MAL: variants seen among roughly 807,000 people sequenced by gnomAD.
The protein encoded by MAL is mal, T cell differentiation protein (MAL blood group), also known as myelin and lymphocyte protein.
In MAL, 5 loss-of-function variants were observed where a neutral mutation model predicts 16.7. That is an observed-to-expected ratio of 0.30 (90% CI 0.16 to 0.63). MAL has a LOEUF of 0.63. MAL is among the 30% of genes least tolerant of loss of function. MAL has a pLI of 0.82. For synonymous variants in MAL, 96 were observed against 85.5 expected (o/e 1.12, Z -0.67); for missense variants, 202 against 195.8 (o/e 1.03, Z -0.19).
chr2:95,049,070 A>T (rs1573301656), intron 2 of MAL, among the ~76,000 whole-genome samples: 2 of 152,176 alleles, frequency 1.3e-5, no homozygotes, highest in Non-Finnish European at 2.9e-5. Context: ...CTCCTGCACC[A>T]ATCTCCCAAA....
chr2:95,042,421 T>A (rs1674490358), intron 1 of MAL, among the ~76,000 whole-genome samples: 1 of 152,218 alleles, frequency 6.6e-6, no homozygotes, highest in Non-Finnish European at 1.5e-5. Context: ...GGTGGTTTTT[T>A]TCTAAAGGTG....
intron 1 of MAL, among the ~76,000 whole-genome samples, chr2:95,038,883 AGTGACTGAGTGG>A: frequency 6.7e-6 from 1 of 148,262 alleles, no homozygotes; most frequent in African/African-American, 2.5e-5. Flanking sequence ...TGGGTGAGTG[AGTGACTGAGTGG>A]GTGAGTGAGT....
chr2:95,036,623 G>C (rs945859137), intron 1 of MAL, among the ~76,000 whole-genome samples: 1 of 152,268 alleles, frequency 6.6e-6, no homozygotes, highest in Non-Finnish European at 1.5e-5. Flanking sequence ...ATGAATGAAT[G>C]AATGACCAAG....
chr2:95,052,613 G>A (rs1218770440), intron 3 of MAL, among the ~76,000 whole-genome samples: 2 of 152,144 alleles, frequency 1.3e-5, no homozygotes, highest in South Asian at 4.1e-4. Flanking sequence ...CCCTAACCAA[G>A]GTCACAAAAC....
intron 1 of MAL, among the ~76,000 whole-genome samples, chr2:95,038,730 G>C (rs949155536): frequency 6.6e-6 from 1 of 151,546 alleles, no homozygotes; most frequent in African/African-American, 2.4e-5. Flanking sequence ...CTGAGTAAGA[G>C]ACTGAGTGAG....
intron 1 of MAL, among the ~76,000 whole-genome samples, chr2:95,045,278 C>T (rs1216007014): frequency 2.6e-5 from 4 of 152,210 alleles, no homozygotes; most frequent in Admixed American, 6.5e-5. Flanking sequence ...CTCTGGCCCA[C>T]GGGGTCCCAC....
intron 2 of MAL, among the ~76,000 whole-genome samples, chr2:95,048,413 G>T (rs116376223): frequency 6.6e-6 from 1 of 152,030 alleles, no homozygotes; most frequent in Admixed American, 6.5e-5. Context: ...ACCTGTACCC[G>T]CCAGGTGCCT....
rs574449839 is a variant in MAL, at chr2:95,050,941, C to T, written c.387+1235C>T. ...TCACACAATTCCATCTCATCTCCCT[C>T]TCCCAAGACTGCCTCATACCTCCCC... On this transcript the variant is annotated intron_variant, in intron 3 of 3. Coordinates refer to ENST00000309988, the MANE Select transcript of MAL (RefSeq NM_002371.4). Among the ~76,000 whole-genome samples, 30 of 152,346 alleles carry T rather than the reference C, an allele frequency of 2.0e-4. 1 individual carries two copies. The South Asian group carries it at 6.0e-3, about 30-fold the overall frequency.
At chr2:95,035,661 T>A (rs955829608) in intron 1 of MAL, among the ~76,000 whole-genome samples, 1 of 150,632 alleles carries the variant, frequency 6.6e-6, no homozygotes, top group Non-Finnish European at 1.5e-5. Context: ...TCCACTCAGC[T>A]CTTAGATTTT....
chr2:95,044,880 C>T (rs1216195265), intron 1 of MAL, among the ~76,000 whole-genome samples: 1 of 152,230 alleles, frequency 6.6e-6, no homozygotes, highest in Non-Finnish European at 1.5e-5. Context: ...CTCACTTTTC[C>T]TGCCATTGAT....
At chr2:95,046,452 C>T (rs1219268423) in intron 1 of MAL, among the ~76,000 whole-genome samples, 1 of 152,116 alleles carries the variant, frequency 6.6e-6, no homozygotes, top group Non-Finnish European at 1.5e-5. Context: ...AAGAGAAGTG[C>T]AGAAAGTCCC....
intron 1 of MAL, among the ~76,000 whole-genome samples, chr2:95,037,113 CTGAGTGGGTGAG>C (rs1674238240): frequency 1.3e-5 from 1 of 76,896 alleles, no homozygotes. Context: ...GAGTGAGTGA[CTGAGTGGGTGAG>C]TGAGTGAGTG....
chr2:95,047,992 T>TC lies in MAL; in HGVS notation c.129dup (p.Ser44LeufsTer81). ...GGGCCTGGTGTGGATCCTGGTGGCC[T>TC]CCTCCCTGGTGCCCTGGCCCCTGGT... is the stretch of plus-strand genomic sequence containing the variant. On this transcript the variant is annotated frameshift_variant, in exon 2 of 4. Transcript: ENST00000309988. LOFTEE classifies it high-confidence loss of function. 1 of 1,606,738 alleles carries TC rather than the reference T, an allele frequency of 6.2e-7. No individual in the cohort carries two copies.
At chr2:95,026,508 G>C (rs1673941814) in intron 1 of MAL, 1 of 136,298 alleles carries the variant, frequency 7.3e-6, no homozygotes, top group Non-Finnish European at 1.6e-5. Context: ...AGGAGATGGG[G>C]GGTGGGGGGT....
At chr2:95,038,675 ACT>A (rs1674333333) in intron 1 of MAL, among the ~76,000 whole-genome samples, 1 of 151,404 alleles carries the variant, frequency 6.6e-6, no homozygotes, top group Admixed American at 6.6e-5. Flanking sequence ...TGAGTGAGTG[ACT>A]GACTGAGTGA....
chr2:95,042,119 C>T (rs1224242670), intron 1 of MAL, among the ~76,000 whole-genome samples: 2 of 151,910 alleles, frequency 1.3e-5, no homozygotes, highest in Non-Finnish European at 2.9e-5. Context: ...GTTCCAAGCT[C>T]GAGGAGAAGA....
At chr2:95,027,974 AG>A (rs1392211331) in intron 1 of MAL, among the ~76,000 whole-genome samples, 1 of 152,182 alleles carries the variant, frequency 6.6e-6, no homozygotes, top group Non-Finnish European at 1.5e-5. Flanking sequence ...GCACATAAAA[AG>A]ATGCTTAACA....
At chr2:95,045,904 T>C (rs1166288232) in intron 1 of MAL, among the ~76,000 whole-genome samples, 3 of 152,222 alleles carry the variant, frequency 2.0e-5, no homozygotes, top group Non-Finnish European at 2.9e-5. Context: ...GGTCTGGGCA[T>C]TTTTATTTAA....
At chr2:95,027,467 C>T (rs2104323884) in intron 1 of MAL, among the ~76,000 whole-genome samples, 1 of 152,332 alleles carries the variant, frequency 6.6e-6, no homozygotes, top group South Asian at 2.1e-4. Flanking sequence ...CTGTTCCCCA[C>T]CTCCCTTCCT....
Sources: allele counts gnomAD v4.1 joint callset (sites outside exome capture counted in the v4.1 genomes callset), GRCh38; gene constraint gnomAD v4.1.1; transcripts MANE v1.5; gene names NCBI Gene and HGNC (gene_info 2026-07-23, HGNC 2026-07-21).